Variants in EFHC1 observed in about 807,000 individuals in gnomAD.
EFHC1 encodes EF-hand domain-containing protein 1.
EFHC1 carries 53 observed loss-of-function variants against 69.9 expected under a neutral mutation model. The observed-to-expected ratio is 0.76, with a 90% CI of 0.61 to 0.95. The LOEUF (loss-of-function observed/expected upper bound fraction) is 0.95, where lower values mean the gene tolerates loss of function less well. Among genes scored for constraint, EFHC1 ranks in the 40% least tolerant of loss-of-function variants. The pLI, the probability that EFHC1 is intolerant of heterozygous loss-of-function variation, is 0.00. For missense variants in EFHC1, 739 were observed against 798.7 expected, an observed-to-expected ratio of 0.93 and a Z score of 0.90; for synonymous variants, 256 against 278.4, an observed-to-expected ratio of 0.92 and a Z score of 0.80.
Position 52,492,462 on chromosome 6 carries a change from C to A in EFHC1, c.*121C>A, listed in dbSNP as rs7757370. The A allele has an allele frequency of 0.89, 941,553 of 1,060,968 alleles. 418,178 individuals are homozygous for A. The highest frequency in any genetic ancestry group is 0.96 in the East Asian group (37,271 of 38,930). The allele number at this position is 1,060,968 out of a possible 1,614,324, so 65.7% of individuals were successfully genotyped here. ...AAGTTTTATTTCTGTTTTGGTTCTT[C>A]TTTCACTCCTACTGAAGTCGAAACT... On this transcript the variant is annotated 3_prime_UTR_variant, in exon 11 of 11. Coordinates refer to ENST00000371068, the MANE Select transcript of EFHC1 (RefSeq NM_018100.4).
chr6:52,423,737 C>A, intron 1 of EFHC1: 1 of 1,068,170 alleles, frequency 9.4e-7, no homozygotes, highest in Non-Finnish European at 1.3e-6. Flanking sequence ...AACTCTGGGG[C>A]TGAAGTGATT....
At chr6:52,444,368 G>C (rs1019032660) in intron 3 of EFHC1, among the ~76,000 whole-genome samples, 1 of 152,152 alleles carries the variant, frequency 6.6e-6, no homozygotes, top group African/African-American at 2.4e-5. Flanking sequence ...TCTTGTGCCA[G>C]TTTTCAAAGG....
intron 3 of EFHC1, among the ~76,000 whole-genome samples, chr6:52,441,212 T>C (rs1764655640): frequency 6.6e-6 from 1 of 152,092 alleles, no homozygotes. Context: ...CTTTGCCCAT[T>C]CCTATGTTTA....
rs371862270 is a variant in EFHC1 at position 52,469,477 on chromosome 6, A to T, written c.1278+4A>T. ...GCTTCGTTATTTGGCTGTACTGGTGAGGCTAATTTTTATATACTAAAGATT... is the reference window on the plus strand; with the variant it reads ...GCTTCGTTATTTGGCTGTACTGGTGTGGCTAATTTTTATATACTAAAGATT... On this transcript the variant is annotated splice_donor_region_variant and intron_variant, in intron 7 of 10. Coordinates refer to ENST00000371068, the MANE Select transcript of EFHC1 (RefSeq NM_018100.4). 5.0e-6 allele frequency: 8 copies of T among 1,613,696 alleles called. No individual in the cohort carries two copies. The highest frequency in any genetic ancestry group is 6.8e-6 in the Non-Finnish European group (8 of 1,179,862).
rs1368588979 is a variant in EFHC1, at chr6:52,495,310, A to G, written c.*2969A>G. On this transcript the variant is annotated 3_prime_UTR_variant, in exon 11 of 11. Coordinates refer to ENST00000371068, the MANE Select transcript of EFHC1 (RefSeq NM_018100.4). ...GGGGACAGACACATGTCAAACCCTG[A>G]GTCTTTTAAAGTATACCCTCACTTA... 2.2e-6 allele frequency: 1 copy of G among 454,106 alleles called. No homozygotes were observed. Among genetic ancestry groups the G allele is most frequent in the East Asian group, 7.0e-5 (1 of 14,376 alleles). 28.1% of individuals were successfully genotyped at this position (454,106 alleles called of 1,614,324 possible).
Position 52,434,896 on chromosome 6 carries a change from TATATATAC to T in EFHC1, c.286-3404_286-3397del, listed in dbSNP as rs201759227. On this transcript the variant is annotated intron_variant, in intron 2 of 10. Transcript: ENST00000371068. Reference sequence around the variant, plus strand: ...CTTTACCTGAGACCATATATATATATATATATACATACACACATATAACAAGACCATAT... The same window carrying T: ...CTTTACCTGAGACCATATATATATATATACACACATATAACAAGACCATAT... Among the ~76,000 whole-genome samples, 840 of 152,044 alleles carry T rather than the reference TATATATAC, an allele frequency of 5.5e-3. 7 individuals are homozygous for T. Among genetic ancestry groups the T allele is most frequent in the African/African-American group, 0.019 (790 of 41,410 alleles).
intron 7 of EFHC1, among the ~76,000 whole-genome samples, chr6:52,470,663 G>A (rs1326663250): frequency 6.6e-6 from 1 of 152,176 alleles, no homozygotes; most frequent in Non-Finnish European, 1.5e-5. Flanking sequence ...TTTCAACCCA[G>A]TATTCTTTTG....
rs1415715913 is a variant in EFHC1, at chr6:52,479,887, C to G, written c.1640+100C>G. The G allele has an allele frequency of 5.2e-6, 8 of 1,538,410 alleles. No homozygotes were observed. In the African/African-American group the frequency reaches 9.5e-5, roughly 18 times the overall value. ...TCACATTTTAGATTTTCTGATTTCT[C>G]TCACCAGGTGGGAATTATTAGATAT... On this transcript the variant is annotated intron_variant, in intron 9 of 10. Transcript: ENST00000371068.
chr6:52,495,569 CT>C lies in EFHC1; in HGVS notation c.*3232del, dbSNP rs1294145937. On this transcript the variant is annotated 3_prime_UTR_variant, in exon 11 of 11. Transcript: ENST00000371068. Reference sequence around the variant, plus strand: ...GTCTCATTTAGCATCCTCTAGCCTGCTTTTGGCTGTTTTGTTTTGTTTTTGT... The same window carrying C: ...GTCTCATTTAGCATCCTCTAGCCTGCTTTGGCTGTTTTGTTTTGTTTTTGT... 1 of 453,944 alleles carries C rather than the reference CT, an allele frequency of 2.2e-6. No homozygotes were observed. Among genetic ancestry groups the C allele is most frequent in the Non-Finnish European group, 4.4e-6 (1 of 226,784 alleles). 28.1% of individuals were successfully genotyped at this position (453,944 alleles called of 1,614,324 possible).
chr6:52,451,544 T>C (rs1307665218), intron 3 of EFHC1, among the ~76,000 whole-genome samples: 1 of 152,208 alleles, frequency 6.6e-6, no homozygotes, highest in Non-Finnish European at 1.5e-5. Flanking sequence ...TGACCTGCCC[T>C]TTCTCTGTAG....
At position 52,495,052 on chromosome 6, in the gene EFHC1, A is replaced by C. The variant is rs1441789434; in HGVS notation, c.*2711A>C. 4.4e-6 allele frequency: 2 copies of C among 454,006 alleles called. No individual in the cohort carries two copies. The highest frequency in any genetic ancestry group is 3.1e-5 in the South Asian group (2 of 64,468). 28.1% of individuals were successfully genotyped at this position (454,006 alleles called of 1,614,324 possible). On this transcript the variant is annotated 3_prime_UTR_variant, in exon 11 of 11. Coordinates refer to ENST00000371068, the MANE Select transcript of EFHC1 (RefSeq NM_018100.4). ...TGCCCAGTGCACCACTCTCAGATGG[A>C]CGGGACCCAGTCTGTACCTGATCAC...
chr6:52,484,723 A>T (rs1484583083), intron 9 of EFHC1: 1 of 152,176 alleles, frequency 6.6e-6, no homozygotes, highest in Non-Finnish European at 1.5e-5. Flanking sequence ...TAAAACCTTG[A>T]TCTAGGGCAA....
intron 6 of EFHC1, among the ~76,000 whole-genome samples, chr6:52,467,206 G>A (rs1765327109): frequency 6.8e-6 from 1 of 147,718 alleles, no homozygotes; most frequent in African/African-American, 2.5e-5. Flanking sequence ...TTTTAAGACA[G>A]GGTCTTGCTC....
chr6:52,438,731 A>C lies in EFHC1; in HGVS notation c.573+140A>C, dbSNP rs1764593426. Reference sequence around the variant, plus strand: ...TTATTATGAATGGCTAGGTATTTGCATGTGTGTATGTGCTAATATGTGCCA... The same window carrying C: ...TTATTATGAATGGCTAGGTATTTGCCTGTGTGTATGTGCTAATATGTGCCA... On this transcript the variant is annotated intron_variant, in intron 3 of 10. Coordinates refer to ENST00000371068, the MANE Select transcript of EFHC1 (RefSeq NM_018100.4). 1.3e-5 allele frequency: 11 copies of C among 873,434 alleles called. No individual in the cohort carries two copies. In the Admixed American group the frequency reaches 1.7e-4, roughly 14 times the overall value. 54.1% of individuals were successfully genotyped at this position (873,434 alleles called of 1,614,324 possible).
intron 7 of EFHC1, among the ~76,000 whole-genome samples, chr6:52,475,189 G>C (rs1343263074): frequency 6.6e-6 from 1 of 152,112 alleles, no homozygotes; most frequent in Non-Finnish European, 1.5e-5. Context: ...GTGAAATAGA[G>C]AATGTATTCA....
chr6:52,424,277 A>G (rs1346290025), intron 2 of EFHC1, 110 bp downstream of exon 2: 7 of 1,059,284 alleles, frequency 6.6e-6, no homozygotes, highest in African/African-American at 4.7e-5. Flanking sequence ...CTGAGGAGAA[A>G]ATTGTTCAGA....
intron 2 of EFHC1, 138 bp from the exon 3 acceptor site, chr6:52,438,166 T>C (rs1190202219): frequency 3.6e-6 from 3 of 841,340 alleles, no homozygotes; most frequent in Non-Finnish European, 5.6e-6. Context: ...AGTTTTAGAG[T>C]ATCAAGATTT....
In EFHC1 at chr6:52,495,622, C is replaced by T. The variant is rs756037371; in HGVS notation, c.*3281C>T. ...TTTGTTTTTTAGAGACAGGGTCTTA[C>T]TCTGTTGCCAGACTGGAATGCGGTG... is the stretch of plus-strand genomic sequence containing the variant. On this transcript the variant is annotated 3_prime_UTR_variant, in exon 11 of 11. Coordinates refer to ENST00000371068, the MANE Select transcript of EFHC1 (RefSeq NM_018100.4). 6.2e-5 allele frequency: 28 copies of T among 452,888 alleles called. No individual in the cohort carries two copies. Among genetic ancestry groups the T allele is most frequent in the South Asian group, 4.2e-4 (27 of 64,458 alleles). The allele number at this position is 452,888 out of a possible 1,614,324, so 28.1% of individuals were successfully genotyped here.
chr6:52,468,566 GCCC>G (rs1206440142), intron 6 of EFHC1: 4 of 152,140 alleles, frequency 2.6e-5, no homozygotes, highest in Non-Finnish European at 5.9e-5. Context: ...CTCCCTATTG[GCCC>G]CCCAGCCAGG....
Sources: gnomAD v4.1 joint callset for allele counts (sites outside exome capture counted in the v4.1 genomes callset) on GRCh38, gnomAD v4.1.1 for gene constraint, MANE v1.5 for transcripts, NCBI Gene and HGNC (gene_info 2026-07-23, HGNC 2026-07-21) for gene names.